STK3: variants seen among roughly 807,000 people sequenced by gnomAD.
STK3 encodes the protein serine/threonine-protein kinase 3.
STK3 carries 41 observed loss-of-function variants against 58.0 expected under a neutral mutation model. The observed-to-expected ratio is 0.71, with a 90% CI of 0.55 to 0.92. The LOEUF is 0.92. Among genes scored for constraint, STK3 ranks in the 40% least tolerant of loss-of-function variants. The pLI is 0.00. For missense variants in STK3, 479 were observed against 602.7 expected (o/e 0.79, Z 2.15); for synonymous variants, 170 against 191.0 (o/e 0.89, Z 0.91).
chr8:98,855,972 C>T lies in STK3; in HGVS notation c.110+27675G>A, dbSNP rs372910336. On this transcript the variant is annotated intron_variant, in intron 3 of 12. Transcript: ENST00000523601. ...AGGAGTTCGAGACCAGCCTGGCCAA[C>T]GTGGCAAAACTCCGTCTCTACTAAA... 6.9e-4 allele frequency among the ~76,000 whole-genome samples: 105 copies of T among 152,040 alleles called. 2 individuals are homozygous for T. In the South Asian group the frequency reaches 0.021, roughly 30 times the overall value.
intron 6 of STK3, among the ~76,000 whole-genome samples, chr8:98,673,154 T>C (rs1231619660): frequency 6.6e-6 from 1 of 152,234 alleles, no homozygotes; most frequent in Non-Finnish European, 1.5e-5. Flanking sequence ...TCCAGTTGCC[T>C]CAATGTTATA....
At chr8:98,822,966 T>A (rs1835006416) in intron 1 of STK3, among the ~76,000 whole-genome samples, 1 of 152,238 alleles carries the variant, frequency 6.6e-6, no homozygotes, top group African/African-American at 2.4e-5. Context: ...TGCCAGAGGT[T>A]GCAGTGAGCC....
intron 1 of STK3, among the ~76,000 whole-genome samples, chr8:98,380,985 T>G (rs1415242568): frequency 2.1e-5 from 3 of 146,128 alleles, no homozygotes; most frequent in Non-Finnish European, 4.5e-5. Context: ...TTTTTTTTTT[T>G]TTTTGAGATA....
intron 4 of STK3, among the ~76,000 whole-genome samples, chr8:98,708,606 G>C (rs1317988386): frequency 6.6e-6 from 1 of 152,184 alleles, no homozygotes; most frequent in Non-Finnish European, 1.5e-5. Flanking sequence ...AGTTGTAGCA[G>C]TAGAGCCACT....
chr8:98,364,425 C>A, the STK3 span, among the ~76,000 whole-genome samples: 2 of 152,174 alleles, frequency 1.3e-5, no homozygotes, highest in Non-Finnish European at 2.9e-5. Flanking sequence ...GCCTCTCACA[C>A]TGGGTCTCGG....
chr8:98,760,658 T>G (rs1016927070), intron 3 of STK3, among the ~76,000 whole-genome samples: 1 of 152,138 alleles, frequency 6.6e-6, no homozygotes, highest in Admixed American at 6.5e-5. Flanking sequence ...AATTTTTTCC[T>G]TCCCCTATTT....
intron 1 of STK3, among the ~76,000 whole-genome samples, chr8:98,808,146 G>GA (rs1187357250): frequency 6.6e-6 from 1 of 152,210 alleles, no homozygotes; most frequent in African/African-American, 2.4e-5. Context: ...AAATTAAGAT[G>GA]AAAGTACATA....
chr8:98,833,917 G>A (rs1835643631), intron 3 of STK3, among the ~76,000 whole-genome samples: 1 of 152,052 alleles, frequency 6.6e-6, no homozygotes, highest in Admixed American at 6.6e-5. Flanking sequence ...TTAGAGTTGA[G>A]GCTGGGACTA....
intron 6 of STK3, among the ~76,000 whole-genome samples, chr8:98,667,839 A>G (rs184943589): frequency 6.6e-6 from 1 of 152,198 alleles, no homozygotes; most frequent in African/African-American, 2.4e-5. Context: ...ATGTTAAAAA[A>G]ATCCATTAAT....
chr8:98,846,045 AC>A (rs1836187920), intron 3 of STK3, among the ~76,000 whole-genome samples: 2 of 152,352 alleles, frequency 1.3e-5, no homozygotes, highest in South Asian at 4.1e-4. Flanking sequence ...CTGCAAAAGC[AC>A]CAAAATGCCT....
At chr8:98,480,621 C>T (rs546785896) in intron 10 of STK3, among the ~76,000 whole-genome samples, 36 of 152,252 alleles carry the variant, frequency 2.4e-4, no homozygotes, top group Non-Finnish European at 4.0e-4. Context: ...TGAATTCAAA[C>T]TTGTATCTGA....
chr8:98,596,830 C>G (rs902617435), intron 6 of STK3, among the ~76,000 whole-genome samples: 6 of 151,722 alleles, frequency 4.0e-5, no homozygotes, highest in African/African-American at 1.5e-4. Context: ...TAGATAGTCA[C>G]CCTGGCCTGT....
chr8:98,763,185 G>C (rs1345294997), intron 3 of STK3, among the ~76,000 whole-genome samples: 2 of 152,090 alleles, frequency 1.3e-5, no homozygotes, highest in Non-Finnish European at 2.9e-5. Context: ...CACTAAACTA[G>C]CTGACCCACA....
intron 1 of STK3, among the ~76,000 whole-genome samples, chr8:98,793,326 A>G (rs571077290): frequency 6.6e-6 from 1 of 152,196 alleles, no homozygotes; most frequent in East Asian, 1.9e-4. Context: ...TAACTTATGG[A>G]AATTAAAAAA....
At chr8:98,767,817 T>C (rs1439107663) in intron 2 of STK3, among the ~76,000 whole-genome samples, 1 of 152,186 alleles carries the variant, frequency 6.6e-6, no homozygotes, top group Non-Finnish European at 1.5e-5. Context: ...AACCCTCAGC[T>C]GGGGACCATA....
intron 1 of STK3, among the ~76,000 whole-genome samples, chr8:98,896,731 C>T (rs1838458952): frequency 6.6e-6 from 1 of 152,148 alleles, no homozygotes; most frequent in Non-Finnish European, 1.5e-5. Flanking sequence ...GTAATCCCAG[C>T]ACTTTGGGAG....
intron 6 of STK3, among the ~76,000 whole-genome samples, chr8:98,677,698 G>T (rs1823329678): frequency 6.6e-6 from 1 of 152,020 alleles, no homozygotes; most frequent in South Asian, 2.1e-4. Flanking sequence ...TTACTCTCTG[G>T]TCTCTTTTAT....
At chr8:98,663,178 G>GA (rs1306425104) in intron 6 of STK3, among the ~76,000 whole-genome samples, 3 of 151,752 alleles carry the variant, frequency 2.0e-5, no homozygotes, top group Middle Eastern at 3.4e-3. Context: ...AAATTCACAA[G>GA]AAAAAAACAA....
chr8:98,561,802 T>A (rs573331268), intron 8 of STK3, among the ~76,000 whole-genome samples: 20 of 152,130 alleles, frequency 1.3e-4, no homozygotes, highest in Admixed American at 1.2e-3. Flanking sequence ...ATACACAAAC[T>A]CTTAAAAATT....
Sources: allele counts gnomAD v4.1 joint callset (sites outside exome capture counted in the v4.1 genomes callset), GRCh38; gene constraint gnomAD v4.1.1; transcripts MANE v1.5; gene names NCBI Gene and HGNC (gene_info 2026-07-23, HGNC 2026-07-21).